The following GPD2 variants were observed in gnomAD, a reference collection of about 807,000 sequenced individuals.
The protein encoded by GPD2 is glycerol-3-phosphate dehydrogenase, mitochondrial.
Under a neutral mutation model 82.4 loss-of-function variants are expected in GPD2, and 54 were observed. The observed-to-expected ratio is 0.66, with a 90% CI of 0.53 to 0.82. GPD2 has a LOEUF of 0.82. Among genes scored for constraint, GPD2 ranks in the 40% least tolerant of loss-of-function variants. GPD2 has a pLI of 0.00. For missense variants in GPD2, 748 were observed against 896.2 expected (o/e 0.83, Z 2.11); for synonymous variants, 288 against 306.1 (o/e 0.94, Z 0.62).
In GPD2 at chr2:156,513,585, A is replaced by C. The variant is rs374749993; in HGVS notation, c.661+89A>C. 3.0e-3 allele frequency: 2,998 copies of C among 994,054 alleles called. 83 individuals carry two copies. The South Asian group carries it at 0.038, about 13-fold the overall frequency. The allele number at this position is 994,054 out of a possible 1,614,324, so 61.6% of individuals were successfully genotyped here. A position where few individuals can be genotyped will look rare whatever the true frequency, so the allele number is the denominator to read the frequency against. On this transcript the variant is annotated intron_variant, in intron 6 of 16. Transcript: ENST00000438166. ...TGTATTCTTAAGGAGATAGTTTTGC[A>C]TCTTTAAATACTAATCTTACACAAC...
chr2:156,471,680 CTTCT>C (rs534837644), intron 1 of GPD2, among the ~76,000 whole-genome samples: 92 of 152,314 alleles, frequency 6.0e-4, no homozygotes, highest in South Asian at 5.4e-3. Flanking sequence ...TCACTGAAGC[CTTCT>C]TTAATTCTTT....
the GPD2 span, among the ~76,000 whole-genome samples, chr2:156,420,251 A>C: frequency 6.6e-6 from 1 of 151,908 alleles, no homozygotes; most frequent in African/African-American, 2.4e-5. Flanking sequence ...GGCTCACTGC[A>C]ACCTCTGCCT....
chr2:156,439,420 A>G lies in GPD2; in HGVS notation c.-9+2907A>G, dbSNP rs182053608. The stretch of plus-strand genomic sequence containing the variant: ...CAACATGGAAACCCCATCTTTACAA[A>G]AAAATACAAAAATTAACCAGGCATG... On this transcript the variant is annotated intron_variant, in intron 1 of 16. Transcript: ENST00000438166. 1.2e-3 allele frequency among the ~76,000 whole-genome samples: 187 copies of G among 149,904 alleles called. 1 individual carries two copies. The highest frequency in any genetic ancestry group is 2.3e-3 in the Non-Finnish European group (158 of 67,602).
Position 156,497,497 on chromosome 2 carries a change from T to C in GPD2, c.274+1282T>C, listed in dbSNP as rs551909847. Among the ~76,000 whole-genome samples the C allele has an allele frequency of 2.0e-5, 3 of 152,312 alleles. No homozygotes were observed. The East Asian group carries it at 5.8e-4, about 29-fold the overall frequency. On this transcript the variant is annotated intron_variant, in intron 3 of 16. Transcript: ENST00000438166. ...GTTGCTATATAAAGTTCAATATTTATTATATTTTAACACTGAATGGGAATG... is the reference window on the plus strand; with the variant it reads ...GTTGCTATATAAAGTTCAATATTTACTATATTTTAACACTGAATGGGAATG...
chr2:156,520,214 A>C (rs188823425), intron 6 of GPD2, among the ~76,000 whole-genome samples: 1 of 152,290 alleles, frequency 6.6e-6, no homozygotes, highest in African/African-American at 2.4e-5. Context: ...GTTGTGGGTC[A>C]GGGTGGTTTT....
intron 1 of GPD2, among the ~76,000 whole-genome samples, chr2:156,450,687 C>CATTCTTGGGTGTTTGA (rs1682525149): frequency 2.2e-5 from 2 of 91,014 alleles, no homozygotes; most frequent in Non-Finnish European, 2.2e-5. Context: ...TTTTTTATTG[C>CATTCTTGGGTGTTTGA]TCATTCTTGG....
chr2:156,476,348 G>A, intron 2 of GPD2, 141 bp downstream of exon 2: 2 of 683,858 alleles, frequency 2.9e-6, no homozygotes, highest in Non-Finnish European at 5.4e-6. Context: ...TACTAATTTA[G>A]AACAGTGCCT....
chr2:156,417,406 C>T, the GPD2 span, among the ~76,000 whole-genome samples: 3 of 152,210 alleles, frequency 2.0e-5, no homozygotes, highest in Non-Finnish European at 4.4e-5. Flanking sequence ...TACAATTAAA[C>T]ATATGTCAGG....
chr2:156,518,267 A>G (rs1352308196), intron 6 of GPD2, among the ~76,000 whole-genome samples: 1 of 152,196 alleles, frequency 6.6e-6, no homozygotes, highest in African/African-American at 2.4e-5. Context: ...AACCTCAGCT[A>G]TAATCCCTGG....
intron 8 of GPD2, among the ~76,000 whole-genome samples, chr2:156,557,173 A>C (rs1342073464): frequency 6.6e-6 from 1 of 152,140 alleles, no homozygotes; most frequent in East Asian, 1.9e-4. Context: ...CTGCTGTGGA[A>C]TATTGTTATC....
At chr2:156,454,000 C>T (rs528836613) in intron 1 of GPD2, among the ~76,000 whole-genome samples, 4 of 152,110 alleles carry the variant, frequency 2.6e-5, no homozygotes, top group African/African-American at 4.8e-5. Context: ...TAGATGACAG[C>T]GAGAAGGGAT....
chr2:156,535,869 A>G (rs1046586986), intron 6 of GPD2, among the ~76,000 whole-genome samples: 1 of 152,152 alleles, frequency 6.6e-6, no homozygotes, highest in Admixed American at 6.6e-5. Flanking sequence ...GTGCATGCTA[A>G]TTTTGTACTT....
At chr2:156,426,243 G>A in the GPD2 span, among the ~76,000 whole-genome samples, 1 of 152,240 alleles carries the variant, frequency 6.6e-6, no homozygotes, top group African/African-American at 2.4e-5. Flanking sequence ...ACTTTATAAA[G>A]GAAAGAGGTT....
intron 6 of GPD2, among the ~76,000 whole-genome samples, chr2:156,517,517 A>T (rs573048520): frequency 1.3e-5 from 2 of 152,218 alleles, no homozygotes; most frequent in African/African-American, 2.4e-5. Flanking sequence ...GTAATCATAT[A>T]GTCAACTCAC....
chr2:156,563,239 CTG>C (rs1463768624), intron 9 of GPD2, among the ~76,000 whole-genome samples: 1 of 152,142 alleles, frequency 6.6e-6, no homozygotes, highest in Admixed American at 6.5e-5. Flanking sequence ...TTACTGATAA[CTG>C]TATATGACCC....
intron 2 of GPD2, among the ~76,000 whole-genome samples, chr2:156,494,855 G>C (rs570200828): frequency 5.6e-4 from 85 of 152,230 alleles, no homozygotes; most frequent in African/African-American, 1.9e-3. Context: ...TTAGCATTTT[G>C]GAAAAAAACC....
intron 1 of GPD2, among the ~76,000 whole-genome samples, chr2:156,448,825 A>T (rs1682456057): frequency 6.6e-6 from 1 of 152,236 alleles, no homozygotes; most frequent in Non-Finnish European, 1.5e-5. Context: ...TTGGTGGCTT[A>T]AAACAACAGA....
chr2:156,416,665 A>G, the GPD2 span, among the ~76,000 whole-genome samples: 1 of 152,108 alleles, frequency 6.6e-6, no homozygotes, highest in Admixed American at 6.6e-5. Flanking sequence ...CACCTTTTAA[A>G]TATTTCATTT....
chr2:156,569,261 C>A, intron 10 of GPD2, 102 bp from the exon 11 acceptor site: 1 of 819,830 alleles, frequency 1.2e-6, no homozygotes, highest in Non-Finnish European at 2.1e-6. Flanking sequence ...ATGTTTGTTA[C>A]AAACAACAGG....
Sources: gnomAD v4.1 joint callset for allele counts (sites outside exome capture counted in the v4.1 genomes callset) on GRCh38, gnomAD v4.1.1 for gene constraint, MANE v1.5 for transcripts, NCBI Gene and HGNC (gene_info 2026-07-23, HGNC 2026-07-21) for gene names.